The following UBE2K variants were observed in gnomAD, a reference collection of about 807,000 sequenced individuals.
UBE2K encodes the protein ubiquitin-conjugating enzyme E2 K.
Under a neutral mutation model 30.0 loss-of-function variants are expected in UBE2K, and 6 were observed. That is an observed-to-expected ratio of 0.20 (90% CI 0.11 to 0.39). The LOEUF (loss-of-function observed/expected upper bound fraction) is 0.39. Among genes scored for constraint, UBE2K ranks in the 10% least tolerant of loss-of-function variants. The pLI, the probability that UBE2K is intolerant of heterozygous loss-of-function variation, is 1.00. For missense variants in UBE2K, 61 were observed against 241.6 expected, an observed-to-expected ratio of 0.25 and a Z score of 4.96; for synonymous variants, 86 against 83.7, an observed-to-expected ratio of 1.03 and a Z score of -0.15.
At chr4:39,733,686 A>G (rs1482643700) in intron 1 of UBE2K, among the ~76,000 whole-genome samples, 1 of 152,166 alleles carries the variant, frequency 6.6e-6, no homozygotes, top group Non-Finnish European at 1.5e-5. Context: ...TATGCTGCTT[A>G]CTTCTATCCA....
At chr4:39,770,693 G>T in intron 4 of UBE2K, 1 of 1,572,002 alleles carries the variant, frequency 6.4e-7, no homozygotes. Context: ...TGGGGGGCAC[G>T]CTGCTCTGGG....
intron 1 of UBE2K, among the ~76,000 whole-genome samples, chr4:39,723,813 T>A (rs903584432): frequency 3.3e-5 from 5 of 152,234 alleles, no homozygotes; most frequent in Admixed American, 6.5e-5. Flanking sequence ...TTTCCTTTTT[T>A]AAAAAATATA....
At chr4:39,750,521 C>T (rs767131489) in intron 3 of UBE2K, among the ~76,000 whole-genome samples, 10 of 152,152 alleles carry the variant, frequency 6.6e-5, no homozygotes, top group Admixed American at 2.0e-4. Flanking sequence ...TCCCAGACAA[C>T]GCTACTACTA....
chr4:39,770,015 G>A, intron 4 of UBE2K: 1 of 1,326,284 alleles, frequency 7.5e-7, no homozygotes, highest in Non-Finnish European at 1.0e-6. Flanking sequence ...CAATTCTCCT[G>A]GGCCAAAGAG....
At chr4:39,744,923 A>G (rs1304784328) in intron 2 of UBE2K, among the ~76,000 whole-genome samples, 1 of 150,154 alleles carries the variant, frequency 6.7e-6, no homozygotes, top group Non-Finnish European at 1.5e-5. Context: ...AAAAAAAATA[A>G]ATTAAATAAA....
chr4:39,714,550 A>ATATATATATTTT, intron 1 of UBE2K: 1 of 17,840 alleles, frequency 5.6e-5, no homozygotes. Context: ...ATATATATAT[A>ATATATATATTTT]TTTTTTTTTT....
chr4:39,720,737 T>C (rs1437281034), intron 1 of UBE2K, among the ~76,000 whole-genome samples: 1 of 152,208 alleles, frequency 6.6e-6, no homozygotes, highest in Non-Finnish European at 1.5e-5. Flanking sequence ...TGTTTTTTTC[T>C]ATGTATATAT....
chr4:39,769,389 T>A (rs1712588261), intron 4 of UBE2K, among the ~76,000 whole-genome samples: 1 of 151,630 alleles, frequency 6.6e-6, no homozygotes, highest in Non-Finnish European at 1.5e-5. Context: ...CTTTTCTAAG[T>A]GCCTTACCCC....
chr4:39,764,700 T>C (rs1167065340), intron 4 of UBE2K, among the ~76,000 whole-genome samples: 1 of 152,140 alleles, frequency 6.6e-6, no homozygotes, highest in Non-Finnish European at 1.5e-5. Context: ...AGTGCTAGGA[T>C]TATAGGCATG....
At chr4:39,752,611 C>T (rs1721328946) in intron 3 of UBE2K, among the ~76,000 whole-genome samples, 1 of 152,132 alleles carries the variant, frequency 6.6e-6, no homozygotes, top group Non-Finnish European at 1.5e-5. Flanking sequence ...GCTGGGATTA[C>T]AGGCATGAGC....
intron 6 of UBE2K, 123 bp from the exon 7 acceptor site, chr4:39,778,237 A>T: frequency 2.0e-6 from 1 of 498,142 alleles, no homozygotes; most frequent in South Asian, 5.5e-5. Flanking sequence ...CATGCACTGC[A>T]AATGTAAATC....
At chr4:39,723,362 CTTTTTTTTTTT>C (rs529806724) in intron 1 of UBE2K, among the ~76,000 whole-genome samples, 4 of 108,374 alleles carry the variant, frequency 3.7e-5, no homozygotes, top group Non-Finnish European at 6.9e-5. Flanking sequence ...GCTGTCTTCT[CTTTTTTTTTTT>C]TTTTTTTTTC....
At chr4:39,751,555 TGTA>T (rs1721251613) in intron 3 of UBE2K, among the ~76,000 whole-genome samples, 1 of 152,172 alleles carries the variant, frequency 6.6e-6, no homozygotes, top group Non-Finnish European at 1.5e-5. Flanking sequence ...GGCGCACGCC[TGTA>T]GTCCCAACTA....
At chr4:39,751,408 C>T (rs1721244842) in intron 3 of UBE2K, among the ~76,000 whole-genome samples, 1 of 152,130 alleles carries the variant, frequency 6.6e-6, no homozygotes, top group Admixed American at 6.5e-5. Context: ...GCTTTTTGCT[C>T]ACACCTGTAA....
intron 4 of UBE2K, among the ~76,000 whole-genome samples, chr4:39,765,470 C>T (rs1712258936): frequency 6.6e-6 from 1 of 152,016 alleles, no homozygotes; most frequent in East Asian, 1.9e-4. Flanking sequence ...GTTGAAGCTA[C>T]AGGGATCTGT....
intron 1 of UBE2K, among the ~76,000 whole-genome samples, chr4:39,705,175 C>A (rs909136486): frequency 1.4e-5 from 2 of 147,430 alleles, no homozygotes; most frequent in African/African-American, 2.5e-5. Context: ...GGATTGCAGG[C>A]ATGAGCCACT....
chr4:39,715,102 T>C (rs892919119), intron 1 of UBE2K, among the ~76,000 whole-genome samples: 4 of 150,188 alleles, frequency 2.7e-5, no homozygotes, highest in Admixed American at 1.3e-4. Flanking sequence ...CTCGGCTCAC[T>C]GCAAGCTCTG....
intron 4 of UBE2K, among the ~76,000 whole-genome samples, chr4:39,757,000 G>GGT (rs1553878967): frequency 4.2e-5 from 4 of 94,340 alleles, no homozygotes; most frequent in Non-Finnish European, 9.8e-5. Context: ...TTTTTTGGGT[G>GGT]TTTTTTTTTT....
intron 1 of UBE2K, among the ~76,000 whole-genome samples, chr4:39,725,165 T>C (rs1719675889): frequency 6.6e-6 from 1 of 152,054 alleles, no homozygotes; most frequent in Non-Finnish European, 1.5e-5. Context: ...CAGATTGCTT[T>C]AGCCCAAGAA....
Sources: gnomAD v4.1 joint callset for allele counts (sites outside exome capture counted in the v4.1 genomes callset) on GRCh38, gnomAD v4.1.1 for gene constraint, MANE v1.5 for transcripts, NCBI Gene and HGNC (gene_info 2026-07-23, HGNC 2026-07-21) for gene names.